Variants in IPO11 observed in about 807,000 individuals in gnomAD.
IPO11 encodes importin-11.
A neutral mutation model predicts 143.2 loss-of-function variants in IPO11; 66 were observed. The ratio of observed to expected loss-of-function variants is 0.46; its 90% CI spans 0.38 to 0.57. The LOEUF (loss-of-function observed/expected upper bound fraction) is 0.57, where lower values mean the gene tolerates loss of function less well. Among genes scored for constraint, IPO11 ranks in the 20% least tolerant of loss-of-function variants. IPO11 has a pLI of 0.00. For synonymous variants in IPO11, 385 were observed against 377.8 expected (o/e 1.02, Z -0.22); for missense variants, 1,026 against 1,141.0 (o/e 0.90, Z 1.45).
intron 1 of IPO11, among the ~76,000 whole-genome samples, chr5:62,426,439 T>G (rs1186350254): frequency 6.6e-6 from 1 of 152,168 alleles, no homozygotes; most frequent in Non-Finnish European, 1.5e-5. Context: ...TACTGAAGAC[T>G]AGGTTTGTAA....
intron 27 of IPO11, among the ~76,000 whole-genome samples, chr5:62,572,509 A>G (rs1012072672): frequency 2.2e-4 from 34 of 152,110 alleles, no homozygotes; most frequent in African/African-American, 7.2e-4. Context: ...TCTTGATTTT[A>G]TAGTACACAA....
At chr5:62,436,809 C>T (rs776390075) in intron 1 of IPO11, among the ~76,000 whole-genome samples, 2 of 152,188 alleles carry the variant, frequency 1.3e-5, no homozygotes, top group African/African-American at 2.4e-5. Context: ...CAAGTCAAAG[C>T]AATTCTTTTG....
At chr5:62,532,264 T>G (rs1223071259) in intron 22 of IPO11, among the ~76,000 whole-genome samples, 2 of 152,242 alleles carry the variant, frequency 1.3e-5, no homozygotes, top group African/African-American at 2.4e-5. Flanking sequence ...GCATATGACT[T>G]ACTTTACTAT....
chr5:62,448,590 G>T (rs1253620111), intron 3 of IPO11, among the ~76,000 whole-genome samples: 1 of 152,048 alleles, frequency 6.6e-6, no homozygotes, highest in Non-Finnish European at 1.5e-5. Flanking sequence ...TTGCTCCGTT[G>T]CCCAGGCTGG....
Position 62,506,771 on chromosome 5 carries a change from A to T in IPO11, c.1782+414A>T, listed in dbSNP as rs192305009. Among the ~76,000 whole-genome samples the T allele has an allele frequency of 9.2e-5, 14 of 152,308 alleles. No homozygotes were observed. The East Asian group carries it at 2.5e-3, about 27-fold the overall frequency. The stretch of plus-strand genomic sequence containing the variant: ...TTACATTTGGCTTAACATAAAAATG[A>T]GGTATAAAGCTCTTAACAGTTCAGT... On this transcript the variant is annotated intron_variant, in intron 19 of 29. Transcript: ENST00000325324.
chr5:62,575,438 G>A (rs1159285164), intron 27 of IPO11, among the ~76,000 whole-genome samples: 1 of 152,062 alleles, frequency 6.6e-6, no homozygotes, highest in East Asian at 1.9e-4. Flanking sequence ...TTGTGTTTTT[G>A]TAGTCTCTTT....
chr5:62,425,793 A>C lies in IPO11; in HGVS notation c.-6-11481A>C, dbSNP rs57802152. Among the ~76,000 whole-genome samples, 673 of 152,364 alleles carry C rather than the reference A, an allele frequency of 4.4e-3. 8 individuals are homozygous for C. Among genetic ancestry groups the C allele is most frequent in the African/African-American group, 0.016 (649 of 41,578 alleles). On this transcript the variant is annotated intron_variant, in intron 1 of 29. Transcript: ENST00000325324. Reference sequence around the variant, plus strand: ...CTTTTATGTGATACAAGTGTACACAATATATAGAAGTGTATATAATAGGTG... The same window carrying C: ...CTTTTATGTGATACAAGTGTACACACTATATAGAAGTGTATATAATAGGTG...
intron 29 of IPO11, among the ~76,000 whole-genome samples, chr5:62,614,009 G>A (rs1047158466): frequency 1.3e-5 from 2 of 152,184 alleles, no homozygotes; most frequent in Non-Finnish European, 2.9e-5. Flanking sequence ...AATTACCTAT[G>A]ACAGACTTTA....
intron 29 of IPO11, among the ~76,000 whole-genome samples, chr5:62,602,189 C>T (rs1192693588): frequency 6.6e-6 from 1 of 151,872 alleles, no homozygotes. Flanking sequence ...CCTTGCATTC[C>T]CTATTATTTT....
intron 4 of IPO11, among the ~76,000 whole-genome samples, 179 bp downstream of exon 4, chr5:62,450,178 G>A (rs1055643630): frequency 6.6e-6 from 1 of 152,052 alleles, no homozygotes; most frequent in Non-Finnish European, 1.5e-5. Context: ...GTTTTGATTA[G>A]ATTTGGTTAT....
At chr5:62,505,405 C>T (rs961590194) in intron 18 of IPO11, among the ~76,000 whole-genome samples, 1 of 152,028 alleles carries the variant, frequency 6.6e-6, no homozygotes, top group African/African-American at 2.4e-5. Flanking sequence ...TTAAACATAT[C>T]AGTAACATTG....
intron 19 of IPO11, among the ~76,000 whole-genome samples, chr5:62,514,844 T>C (rs1741951783): frequency 6.6e-6 from 1 of 152,204 alleles, no homozygotes; most frequent in African/African-American, 2.4e-5. Flanking sequence ...AGCTTAGCAA[T>C]TTTATCCTTT....
intron 1 of IPO11, among the ~76,000 whole-genome samples, chr5:62,432,990 C>A (rs1025200586): frequency 1.3e-5 from 2 of 152,190 alleles, no homozygotes; most frequent in African/African-American, 4.8e-5. Context: ...GATACTTGGA[C>A]ACATTGGGAA....
chr5:62,606,504 A>AC (rs1298801833), intron 29 of IPO11, among the ~76,000 whole-genome samples: 2 of 150,400 alleles, frequency 1.3e-5, no homozygotes, highest in South Asian at 4.2e-4. Context: ...AAAAAAAAAA[A>AC]AAGGAGAACC....
rs565643076 is a variant in IPO11, at chr5:62,475,421, G to A, written c.757+957G>A. Reference sequence around the variant, plus strand: ...GCCTGTAGTCCCAGTTACTCAGGACGGATTGATTGAGCCTGAGAGGTTGAG... The same window carrying A: ...GCCTGTAGTCCCAGTTACTCAGGACAGATTGATTGAGCCTGAGAGGTTGAG... On this transcript the variant is annotated intron_variant, in intron 8 of 29. Transcript: ENST00000325324. Among the ~76,000 whole-genome samples the A allele has an allele frequency of 3.0e-4, 45 of 152,232 alleles. No individual in the cohort carries two copies. The South Asian group carries it at 5.8e-3, about 20-fold the overall frequency.
chr5:62,515,626 T>G, intron 20 of IPO11, 125 bp downstream of exon 20: 1 of 601,146 alleles, frequency 1.7e-6, no homozygotes. Context: ...ATCTTTTATT[T>G]TTTTTTCCAT....
chr5:62,476,793 CAT>C, intron 9 of IPO11, 40 bp downstream of exon 9: 1 of 1,439,854 alleles, frequency 6.9e-7, no homozygotes. Flanking sequence ...ATATAATACA[CAT>C]ATTCAGATTT....
rs1462876722 is a variant in IPO11, at chr5:62,459,866, C to CA, written c.517-7258dup. 4.0e-5 allele frequency among the ~76,000 whole-genome samples: 6 copies of CA among 151,616 alleles called. No individual in the cohort carries two copies. The South Asian group carries it at 6.2e-4, about 16-fold the overall frequency. ...ACCTGGCCTACTTAAGCCTTATTAA[C>CA]AAAAAAACGGATTATTACTAAAATA... On this transcript the variant is annotated intron_variant, in intron 5 of 29. Coordinates refer to ENST00000325324, the MANE Select transcript of IPO11 (RefSeq NM_016338.5).
At chr5:62,573,368 A>G (rs1744208861) in intron 27 of IPO11, among the ~76,000 whole-genome samples, 1 of 152,224 alleles carries the variant, frequency 6.6e-6, no homozygotes, top group South Asian at 2.1e-4. Flanking sequence ...CAGCAGTAGC[A>G]AAAGGAGTTA....
Sources: gnomAD v4.1 joint callset for allele counts (sites outside exome capture counted in the v4.1 genomes callset) on GRCh38, gnomAD v4.1.1 for gene constraint, MANE v1.5 for transcripts, NCBI Gene and HGNC (gene_info 2026-07-23, HGNC 2026-07-21) for gene names.